LYPLA1: variants seen among roughly 807,000 people sequenced by gnomAD.
LYPLA1 encodes lysophospholipase 1, also known as acyl-protein thioesterase 1.
A neutral mutation model predicts 34.0 loss-of-function variants in LYPLA1; 17 were observed. That is an observed-to-expected ratio of 0.50 (90% CI 0.34 to 0.75). The LOEUF (loss-of-function observed/expected upper bound fraction) is 0.75, where lower values mean the gene tolerates loss of function less well. Ranked by LOEUF, LYPLA1 falls within the 30% of genes least tolerant of loss-of-function variation. The pLI is 0.01. For synonymous variants in LYPLA1, 98 were observed against 100.8 expected (o/e 0.97, Z 0.17); for missense variants, 203 against 288.8 (o/e 0.70, Z 2.15).
intron 5 of LYPLA1, among the ~76,000 whole-genome samples, chr8:54,060,188 G>A (rs1197465721): frequency 6.6e-6 from 1 of 151,868 alleles, no homozygotes; most frequent in East Asian, 1.9e-4. Context: ...TGCAACAGTG[G>A]GATCTCAGCT....
At chr8:54,085,026 T>C (rs978160305) in intron 2 of LYPLA1, among the ~76,000 whole-genome samples, 12 of 151,908 alleles carry the variant, frequency 7.9e-5, no homozygotes, top group Non-Finnish European at 1.5e-4. Flanking sequence ...CTCTCCCTCT[T>C]TGCACAGTCT....
chr8:54,043,557 A>AACC (rs1430087474), downstream of LYPLA1, among the ~76,000 whole-genome samples: 7 of 151,168 alleles, frequency 4.6e-5, no homozygotes, highest in Admixed American at 1.3e-4. Context: ...AACAGGCATG[A>AACC]ACCACCGCAC....
chr8:54,045,336 C>T (rs760098311), downstream of LYPLA1, among the ~76,000 whole-genome samples: 9 of 152,090 alleles, frequency 5.9e-5, no homozygotes, highest in Non-Finnish European at 8.8e-5. Flanking sequence ...AGGCAAATTA[C>T]CCAACTATTT....
intron 2 of LYPLA1, among the ~76,000 whole-genome samples, chr8:54,090,007 C>T (rs1024628150): frequency 1.3e-5 from 2 of 152,200 alleles, no homozygotes; most frequent in African/African-American, 4.8e-5. Context: ...GAGCCAACAG[C>T]GTGTGATGTG....
chr8:54,054,202 C>T (rs1232073154), intron 6 of LYPLA1, among the ~76,000 whole-genome samples: 10 of 152,058 alleles, frequency 6.6e-5, no homozygotes, highest in Non-Finnish European at 1.2e-4. Flanking sequence ...GGGCTGGTCT[C>T]GAACTCCTGA....
chr8:54,070,240 G>A (rs1014072465), intron 2 of LYPLA1, among the ~76,000 whole-genome samples: 7 of 152,134 alleles, frequency 4.6e-5, no homozygotes, highest in East Asian at 3.8e-4. Flanking sequence ...GCTGGAACCC[G>A]GGAGGCGGAA....
At chr8:54,081,572 C>T (rs779422152) in intron 2 of LYPLA1, among the ~76,000 whole-genome samples, 5 of 152,036 alleles carry the variant, frequency 3.3e-5, no homozygotes, top group Non-Finnish European at 7.4e-5. Context: ...CTCAGCCTCC[C>T]GAGTAGCTGG....
intron 6 of LYPLA1, 122 bp downstream of exon 6, chr8:54,054,938 G>T: frequency 1.5e-6 from 1 of 645,560 alleles, no homozygotes; most frequent in East Asian, 2.9e-5. Context: ...AAACATCAAA[G>T]GTAAGTGTAT....
intron 2 of LYPLA1, among the ~76,000 whole-genome samples, chr8:54,083,517 T>C (rs1808463454): frequency 6.6e-6 from 1 of 152,188 alleles, no homozygotes; most frequent in East Asian, 1.9e-4. Flanking sequence ...CAGGGGTCAA[T>C]AATTGTTTTC....
chr8:54,056,777 G>T (rs1008691342), intron 5 of LYPLA1, among the ~76,000 whole-genome samples: 1 of 152,086 alleles, frequency 6.6e-6, no homozygotes, highest in African/African-American at 2.4e-5. Context: ...GCTGGGCATG[G>T]TGGTGCGCAC....
chr8:54,084,137 A>ATATATATATATAT (rs1563642470), intron 2 of LYPLA1, among the ~76,000 whole-genome samples: 33 of 120,078 alleles, frequency 2.7e-4, no homozygotes, highest in African/African-American at 1.5e-3. Flanking sequence ...AAAAAAAATA[A>ATATATATATATAT]ATAAATATAT....
At chr8:54,098,082 G>A (rs899811152) in intron 2 of LYPLA1, among the ~76,000 whole-genome samples, 1 of 152,122 alleles carries the variant, frequency 6.6e-6, no homozygotes, top group African/African-American at 2.4e-5. Flanking sequence ...AATTAGCCGG[G>A]TGTGGTGGTG....
At chr8:54,067,681 T>C (rs1183132583) in intron 2 of LYPLA1, among the ~76,000 whole-genome samples, 1 of 151,792 alleles carries the variant, frequency 6.6e-6, no homozygotes, top group African/African-American at 2.4e-5. Flanking sequence ...CAAAGAGTCT[T>C]GATGAATGTT....
chr8:54,078,474 T>C (rs1343465297), intron 2 of LYPLA1, among the ~76,000 whole-genome samples: 2 of 152,188 alleles, frequency 1.3e-5, no homozygotes, highest in African/African-American at 2.4e-5. Context: ...ACGGTTAGAC[T>C]CAAGATTTTC....
At chr8:54,070,287 C>A (rs754073228) in intron 2 of LYPLA1, among the ~76,000 whole-genome samples, 2 of 152,158 alleles carry the variant, frequency 1.3e-5, no homozygotes, top group Non-Finnish European at 2.9e-5. Context: ...TGCAGTCCAG[C>A]CTGGGCAACA....
downstream of LYPLA1, chr8:54,045,081 T>G (rs1214077782): frequency 6.6e-6 from 1 of 152,234 alleles, no homozygotes; most frequent in Non-Finnish European, 1.5e-5. Context: ...TCTTGCACAT[T>G]AATAGCTCTG....
At chr8:54,074,229 G>A (rs1484890058) in intron 2 of LYPLA1, among the ~76,000 whole-genome samples, 3 of 152,160 alleles carry the variant, frequency 2.0e-5, no homozygotes, top group Non-Finnish European at 4.4e-5. Flanking sequence ...AGCCGAGATC[G>A]TGCCACTGCA....
chr8:54,065,829 T>A lies in LYPLA1; in HGVS notation c.102-16A>T, dbSNP rs1386462165. ...CCATCCGTGCCTGGTGGAAAAATCA[T>A]TGAATAATGCTATTAGACACTGTTT... On this transcript the variant is annotated splice_polypyrimidine_tract_variant and intron_variant, in intron 2 of 8. Transcript: ENST00000316963. 1 of 1,588,102 alleles carries A rather than the reference T, an allele frequency of 6.3e-7. No individual in the cohort carries two copies. Among genetic ancestry groups the A allele is most frequent in the African/African-American group, 1.3e-5 (1 of 74,414 alleles).
chr8:54,083,577 C>T (rs1446872231), intron 2 of LYPLA1, among the ~76,000 whole-genome samples: 1 of 152,104 alleles, frequency 6.6e-6, no homozygotes, highest in African/African-American at 2.4e-5. Context: ...GCCAGAAGGT[C>T]TCTGTTGCAA....
Sources: gnomAD v4.1 joint callset for allele counts (sites outside exome capture counted in the v4.1 genomes callset) on GRCh38, gnomAD v4.1.1 for gene constraint, MANE v1.5 for transcripts, NCBI Gene and HGNC (gene_info 2026-07-23, HGNC 2026-07-21) for gene names.